ULK4: variants seen among roughly 807,000 people sequenced by gnomAD.
ULK4 encodes the protein unc-51 like kinase 4, also known as inactive serine/threonine-protein kinase ULK4.
A neutral mutation model predicts 160.6 loss-of-function variants in ULK4; 133 were observed. That is an observed-to-expected ratio of 0.83 (90% CI 0.72 to 0.96). The LOEUF is 0.96. Among genes scored for constraint, ULK4 ranks in the 40% least tolerant of loss-of-function variants. The pLI is 0.00. For missense variants in ULK4, 1,580 were observed against 1,499.5 expected (o/e 1.05, Z -0.89); for synonymous variants, 534 against 539.8 (o/e 0.99, Z 0.15).
chr3:41,803,191 AT>A, intron 19 of ULK4, among the ~76,000 whole-genome samples: 1 of 148,782 alleles, frequency 6.7e-6, no homozygotes, highest in Admixed American at 6.7e-5. Context: ...AAGATTTGTA[AT>A]AATAAGTCCA....
At chr3:41,807,756 C>T (rs1013166258) in intron 19 of ULK4, among the ~76,000 whole-genome samples, 1 of 152,170 alleles carries the variant, frequency 6.6e-6, no homozygotes, top group Admixed American at 6.5e-5. Flanking sequence ...CAAACTTCAA[C>T]ACATTTTTCA....
intron 2 of ULK4, among the ~76,000 whole-genome samples, chr3:41,943,472 C>G (rs1250719777): frequency 6.6e-6 from 1 of 152,148 alleles, no homozygotes; most frequent in Non-Finnish European, 1.5e-5. Flanking sequence ...TCAACCAACC[C>G]TCCACATACT....
intron 34 of ULK4, among the ~76,000 whole-genome samples, chr3:41,421,659 T>C (rs1328145544): frequency 6.6e-6 from 1 of 152,206 alleles, no homozygotes; most frequent in Non-Finnish European, 1.5e-5. Context: ...AGATTTAATT[T>C]TCTTTTTTGT....
rs543310489 is a variant in ULK4 at position 41,824,254 on chromosome 3, G to T, written c.1765-4748C>A. ...CCAGCATGAGCGATGCAGACGATGG[G>T]TGATTTCTGCATTTCCAACTGAGGT... On this transcript the variant is annotated intron_variant, in intron 18 of 36. Transcript: ENST00000301831. Among the ~76,000 whole-genome samples, 30 of 152,106 alleles carry T rather than the reference G, an allele frequency of 2.0e-4. No homozygotes were observed. The South Asian group carries it at 5.0e-3, about 25-fold the overall frequency.
At chr3:41,710,361 G>A (rs2037049172) in intron 25 of ULK4, among the ~76,000 whole-genome samples, 1 of 152,120 alleles carries the variant, frequency 6.6e-6, no homozygotes, top group Non-Finnish European at 1.5e-5. Context: ...AAGGAGAAAG[G>A]AACATATAGT....
chr3:41,765,300 T>C (rs1053791240), intron 21 of ULK4, among the ~76,000 whole-genome samples: 1 of 151,796 alleles, frequency 6.6e-6, no homozygotes, highest in East Asian at 1.9e-4. Context: ...GGGCAAACTA[T>C]CACAAGGACA....
intron 34 of ULK4, among the ~76,000 whole-genome samples, chr3:41,439,052 C>T (rs1266492255): frequency 2.0e-5 from 3 of 150,190 alleles, no homozygotes; most frequent in Non-Finnish European, 4.4e-5. Context: ...TGTGGCAAGA[C>T]AAAAGCCAGC....
intron 30 of ULK4, among the ~76,000 whole-genome samples, chr3:41,647,863 C>T (rs2034576065): frequency 6.6e-6 from 1 of 152,248 alleles, no homozygotes; most frequent in South Asian, 2.1e-4. Context: ...TTTGAGCTTC[C>T]CAGCTGCTTT....
At chr3:41,673,905 T>C (rs1241074172) in intron 29 of ULK4, among the ~76,000 whole-genome samples, 1 of 152,164 alleles carries the variant, frequency 6.6e-6, no homozygotes, top group African/African-American at 2.4e-5. Context: ...ATTTCTTTAT[T>C]GCTTTGTCTT....
At chr3:41,664,263 G>A (rs1165220778) in intron 29 of ULK4, among the ~76,000 whole-genome samples, 1 of 152,160 alleles carries the variant, frequency 6.6e-6, no homozygotes, top group Non-Finnish European at 1.5e-5. Context: ...CTCACATTCA[G>A]AGACTCGCTA....
chr3:41,294,283 A>G (rs973007615), intron 35 of ULK4, among the ~76,000 whole-genome samples: 4 of 152,178 alleles, frequency 2.6e-5, no homozygotes, highest in African/African-American at 9.7e-5. Context: ...AGGATGCAAC[A>G]TTCAAGGTGC....
intron 32 of ULK4, among the ~76,000 whole-genome samples, chr3:41,548,578 G>A (rs1472901472): frequency 6.6e-6 from 1 of 152,192 alleles, no homozygotes; most frequent in South Asian, 2.1e-4. Context: ...ATCAGCATAC[G>A]CCACATGGGA....
chr3:41,382,600 T>C (rs1357416284), intron 35 of ULK4, among the ~76,000 whole-genome samples: 1 of 152,126 alleles, frequency 6.6e-6, no homozygotes, highest in Non-Finnish European at 1.5e-5. Flanking sequence ...TATAAAATAA[T>C]ATACCTAAAC....
intron 35 of ULK4, among the ~76,000 whole-genome samples, chr3:41,286,802 T>C (rs1184040340): frequency 6.6e-6 from 1 of 152,138 alleles, no homozygotes; most frequent in Non-Finnish European, 1.5e-5. Context: ...GCACCATTCC[T>C]CCCTGCCTCT....
At chr3:41,574,436 T>C (rs1239908669) in intron 31 of ULK4, among the ~76,000 whole-genome samples, 1 of 150,256 alleles carries the variant, frequency 6.7e-6, no homozygotes, top group Non-Finnish European at 1.5e-5. Context: ...CCCACTTACC[T>C]AACATCAGGC....
At chr3:41,683,163 T>C (rs1276934446) in intron 27 of ULK4, among the ~76,000 whole-genome samples, 2 of 152,152 alleles carry the variant, frequency 1.3e-5, no homozygotes, top group Non-Finnish European at 2.9e-5. Context: ...AGTCATGCTA[T>C]ATTGTTCCAC....
intron 19 of ULK4, among the ~76,000 whole-genome samples, chr3:41,815,335 C>T (rs994304760): frequency 6.6e-6 from 1 of 152,076 alleles, no homozygotes; most frequent in African/African-American, 2.4e-5. Context: ...TGTATTTCTT[C>T]GTGTCTTTTT....
intron 34 of ULK4, among the ~76,000 whole-genome samples, chr3:41,413,810 T>C (rs1202490099): frequency 6.6e-6 from 1 of 152,242 alleles, no homozygotes; most frequent in African/African-American, 2.4e-5. Flanking sequence ...TTTCCATTGC[T>C]TTCTTCATGC....
chr3:41,877,944 G>A lies in ULK4; in HGVS notation c.1656+5930C>T, dbSNP rs545615922. Among the ~76,000 whole-genome samples the A allele has an allele frequency of 1.1e-4, 16 of 152,110 alleles. No homozygotes were observed. The Middle Eastern group carries it at 0.01, about 97-fold the overall frequency. On this transcript the variant is annotated intron_variant, in intron 17 of 36. Transcript: ENST00000301831. ...TGCGGTGAGCCGAGATCGCGCCGTC[G>A]CACTCCAGCCTGGGCAACAAGAGCA...
Sources: allele counts gnomAD v4.1 joint callset (sites outside exome capture counted in the v4.1 genomes callset), GRCh38; gene constraint gnomAD v4.1.1; transcripts MANE v1.5; gene names NCBI Gene and HGNC (gene_info 2026-07-23, HGNC 2026-07-21).